TMEM244: variants seen among roughly 807,000 people sequenced by gnomAD.
TMEM244 encodes the protein putative transmembrane protein 244.
Under a neutral mutation model 15.8 loss-of-function variants are expected in TMEM244, and 13 were observed. The observed-to-expected ratio is 0.82, with a 90% CI of 0.53 to 1.30. The LOEUF (loss-of-function observed/expected upper bound fraction) is 1.30. Ranked by LOEUF, TMEM244 falls within the 50% of genes most tolerant of loss-of-function variation. TMEM244 has a pLI of 0.00. For missense variants in TMEM244, 161 were observed against 144.9 expected (o/e 1.11, Z -0.57); for synonymous variants, 45 against 48.7 (o/e 0.92, Z 0.32).
rs1369664557 is a variant in TMEM244, at chr6:129,843,448, T to TA, written c.193+81dup. On this transcript the variant is annotated intron_variant, in intron 3 of 4. Transcript: ENST00000368143. ...ATGACTGCGAGACAGGCCTGATATT[T>TA]AAAATTTTTTTATTAAAAAATTTAT... The TA allele has an allele frequency of 3.5e-5, 33 of 947,106 alleles. No individual in the cohort carries two copies. The Admixed American group carries it at 7.4e-4, about 21-fold the overall frequency. 58.7% of individuals were successfully genotyped at this position (947,106 alleles called of 1,614,324 possible). A position where few individuals can be genotyped will look rare whatever the true frequency, so the allele number is the denominator to read the frequency against.
intron 1 of TMEM244, among the ~76,000 whole-genome samples, chr6:129,848,437 G>A (rs1351207895): frequency 6.6e-6 from 1 of 152,130 alleles, no homozygotes; most frequent in East Asian, 1.9e-4. Context: ...GCGCTTCCGG[G>A]GACAGGCACC....
intron 1 of TMEM244, among the ~76,000 whole-genome samples, chr6:129,860,813 CAAA>C (rs11480627): frequency 7.9e-6 from 1 of 127,360 alleles, no homozygotes; most frequent in Non-Finnish European, 1.7e-5. Context: ...CCACTCCCTG[CAAA>C]AAAAAAAAAG....
At chr6:129,839,195 C>A (rs1776451376) in intron 3 of TMEM244, among the ~76,000 whole-genome samples, 1 of 152,162 alleles carries the variant, frequency 6.6e-6, no homozygotes, top group Admixed American at 6.5e-5. Flanking sequence ...TACTGTCAAA[C>A]CGAATCCAGC....
intron 1 of TMEM244, among the ~76,000 whole-genome samples, chr6:129,848,691 T>C (rs1312731205): frequency 6.6e-6 from 1 of 152,222 alleles, no homozygotes; most frequent in Non-Finnish European, 1.5e-5. Flanking sequence ...GAGAATTTGC[T>C]GCTGGGAGAT....
chr6:129,850,777 C>T (rs1366703738), intron 1 of TMEM244, among the ~76,000 whole-genome samples: 2 of 152,088 alleles, frequency 1.3e-5, no homozygotes, highest in African/African-American at 4.8e-5. Context: ...GTTGTTTGTT[C>T]ATACTACGTC....
At chr6:129,849,898 C>T (rs538573624) in intron 1 of TMEM244, among the ~76,000 whole-genome samples, 2 of 152,088 alleles carry the variant, frequency 1.3e-5, no homozygotes, top group Non-Finnish European at 2.9e-5. Flanking sequence ...CCTCCGTGCA[C>T]GTGTGTGAAG....
At chr6:129,849,401 A>T (rs1776606658) in intron 1 of TMEM244, among the ~76,000 whole-genome samples, 1 of 152,156 alleles carries the variant, frequency 6.6e-6, no homozygotes, top group Non-Finnish European at 1.5e-5. Flanking sequence ...ACAATTTTCT[A>T]AAAAGCAATC....
intron 3 of TMEM244, among the ~76,000 whole-genome samples, chr6:129,837,550 A>G (rs1298482301): frequency 6.6e-6 from 1 of 152,256 alleles, no homozygotes; most frequent in African/African-American, 2.4e-5. Context: ...CATAATAATG[A>G]CAGGATTAAA....
intron 1 of TMEM244, among the ~76,000 whole-genome samples, chr6:129,846,894 A>C (rs1332946222): frequency 6.6e-6 from 1 of 152,226 alleles, no homozygotes; most frequent in Non-Finnish European, 1.5e-5. Flanking sequence ...ATTAATGAGA[A>C]TCAGAAAGAT....
intron 2 of TMEM244, among the ~76,000 whole-genome samples, chr6:129,844,582 A>G (rs73778834): frequency 4.5e-4 from 69 of 152,326 alleles, no homozygotes; most frequent in African/African-American, 1.6e-3. Flanking sequence ...GCAGCTGGCC[A>G]ACCAGTTAGC....
intron 4 of TMEM244, 133 bp downstream of exon 4, chr6:129,833,326 CT>C (rs1477083416): frequency 3.0e-6 from 3 of 1,012,586 alleles, no homozygotes; most frequent in Admixed American, 7.5e-5. Context: ...GGATGAAGAC[CT>C]TTCATCTTCA....
intron 1 of TMEM244, among the ~76,000 whole-genome samples, chr6:129,860,006 C>T (rs1479252111): frequency 6.6e-6 from 1 of 151,996 alleles, no homozygotes; most frequent in East Asian, 1.9e-4. Flanking sequence ...ATTCACTATT[C>T]TTCTAATGTT....
intron 3 of TMEM244, among the ~76,000 whole-genome samples, chr6:129,834,085 G>A (rs191324619): frequency 5.0e-4 from 76 of 152,292 alleles, no homozygotes; most frequent in Non-Finnish European, 9.7e-4. Flanking sequence ...CGTTCAGATC[G>A]TCACTTGGGA....
At chr6:129,842,526 T>C (rs1040330358) in intron 3 of TMEM244, among the ~76,000 whole-genome samples, 5 of 152,148 alleles carry the variant, frequency 3.3e-5, no homozygotes, top group South Asian at 4.1e-4. Flanking sequence ...TCCTGTTTCA[T>C]TGGCCTCCAG....
At chr6:129,853,480 C>T (rs1283049086) in intron 1 of TMEM244, among the ~76,000 whole-genome samples, 3 of 151,718 alleles carry the variant, frequency 2.0e-5, no homozygotes, top group African/African-American at 7.3e-5. Flanking sequence ...TTTTACACTC[C>T]TATTCTGAAA....
intron 3 of TMEM244, among the ~76,000 whole-genome samples, chr6:129,837,684 C>T (rs1412177833): frequency 2.6e-5 from 4 of 152,176 alleles, no homozygotes; most frequent in African/African-American, 9.7e-5. Flanking sequence ...AGACCCATCT[C>T]ATGTGCAAAG....
In TMEM244 at chr6:129,845,863, A is replaced by C; in HGVS notation, c.34-11T>G. 1.9e-6 allele frequency: 3 copies of C among 1,596,772 alleles called. No homozygotes were observed. Among genetic ancestry groups the C allele is most frequent in the Non-Finnish European group, 2.6e-6 (3 of 1,166,678 alleles). On this transcript the variant is annotated splice_polypyrimidine_tract_variant and intron_variant, in intron 1 of 4. Coordinates refer to ENST00000368143, the MANE Select transcript of TMEM244 (RefSeq NM_001010876.2). ...CTTCTGCAAAACAACCTGTGGAGAA[A>C]ACAGGCATGAGGTCCAAGAGCCTGG...
chr6:129,856,001 C>A (rs1028972398), intron 1 of TMEM244, among the ~76,000 whole-genome samples: 3 of 152,214 alleles, frequency 2.0e-5, no homozygotes, highest in Non-Finnish European at 4.4e-5. Flanking sequence ...TTTTCTTCTA[C>A]ATTTCAGTAG....
At position 129,831,717 on chromosome 6, in the gene TMEM244, G is replaced by T. The variant is rs186370014; in HGVS notation, c.320-331C>A. 2.0e-3 allele frequency among the ~76,000 whole-genome samples: 310 copies of T among 152,312 alleles called. 2 individuals are homozygous for T. Among genetic ancestry groups the T allele is most frequent in the African/African-American group, 7.1e-3 (296 of 41,572 alleles). The stretch of plus-strand genomic sequence containing the variant: ...GAATTCCAAACCACTTCACTCTGAA[G>T]TCACTTCTGTCCAGTAGTCATTTGT... On this transcript the variant is annotated intron_variant, in intron 4 of 4. Transcript: ENST00000368143.
Sources: gnomAD v4.1 joint callset for allele counts (sites outside exome capture counted in the v4.1 genomes callset) on GRCh38, gnomAD v4.1.1 for gene constraint, MANE v1.5 for transcripts, NCBI Gene and HGNC (gene_info 2026-07-23, HGNC 2026-07-21) for gene names.